Variants in SNRK observed in about 807,000 individuals in gnomAD.
SNRK encodes the protein SNF-related serine/threonine-protein kinase.
In SNRK, 3 loss-of-function variants were observed where a neutral mutation model predicts 48.2. That is an observed-to-expected ratio of 0.06 (90% CI 0.03 to 0.16). SNRK has a LOEUF of 0.16. SNRK is among the 10% of genes least tolerant of loss of function. The probability of loss-of-function intolerance (pLI) is 1.00; values close to 1 mark genes in which losing one functional copy is unlikely to be tolerated. For missense variants in SNRK, 627 were observed against 976.0 expected (o/e 0.64, Z 4.76); for synonymous variants, 376 against 366.1 (o/e 1.03, Z -0.31).
intron 1 of SNRK, among the ~76,000 whole-genome samples, chr3:43,292,967 C>T (rs2090824749): frequency 6.6e-6 from 1 of 152,122 alleles, no homozygotes; most frequent in African/African-American, 2.4e-5. Context: ...TCCTGTTTTC[C>T]TAAATCATTT....
At chr3:43,286,732 C>T (rs969851261) in intron 1 of SNRK, 57 bp downstream of exon 1, 13 of 148,222 alleles carry the variant, frequency 8.8e-5, no homozygotes, top group African/African-American at 2.4e-4. Flanking sequence ...GGGTGCGGGG[C>T]CGGCCTCCGC....
chr3:43,340,830 C>T (rs2091230176), intron 5 of SNRK: 2 of 274,508 alleles, frequency 7.3e-6, no homozygotes, highest in African/African-American at 2.2e-5. Context: ...ATTCCTCTGT[C>T]TCCTGCCGGT....
intron 1 of SNRK, among the ~76,000 whole-genome samples, chr3:43,292,600 C>A (rs73831239): frequency 0.025 from 3,794 of 152,282 alleles, 159 homozygotes; most frequent in African/African-American, 0.084. Flanking sequence ...ATTTATCTGA[C>A]TTCCACTCCC....
intron 4 of SNRK, among the ~76,000 whole-genome samples, chr3:43,334,814 A>T (rs189663200): frequency 6.6e-6 from 1 of 152,208 alleles, no homozygotes; most frequent in Non-Finnish European, 1.5e-5. Context: ...GGATGGTCTC[A>T]ATCTCTTAAC....
Position 43,348,049 on chromosome 3 carries a change from G to A in SNRK, c.1790G>A (p.Ser597Asn). ...SNASGGVDKASPSENNAGGGS... is the reference protein window; with the variant it reads ...SNASGGVDKANPSENNAGGGS... ...GCCAGTGGAGGGGTGGACAAGGCCA[G>A]CCCCAGTGAGAACAATGCTGGTGGG... The change falls in exon 7 of 7, where the codon AGC (serine) becomes AAC (asparagine). Residue 597 changes from serine to asparagine, a missense_variant. Around this residue, in one of 4 missense-constraint regions of SNRK, gnomAD observed 207 missense variants for 234.3 expected, o/e 0.88. Coordinates refer to ENST00000296088, the MANE Select transcript of SNRK (RefSeq NM_017719.5). 1 of 1,605,546 alleles carries A rather than the reference G, an allele frequency of 6.2e-7. No individual in the cohort carries two copies. The highest frequency in any genetic ancestry group is 8.5e-7 in the Non-Finnish European group (1 of 1,175,916).
intron 6 of SNRK, among the ~76,000 whole-genome samples, chr3:43,345,731 T>C (rs4682682): frequency 0.079 from 11,974 of 152,216 alleles, 592 homozygotes; most frequent in African/African-American, 0.12. Flanking sequence ...AAAGGAGTGG[T>C]GTTGGTACAG....
chr3:43,328,446 C>T (rs2125636835), intron 3 of SNRK, among the ~76,000 whole-genome samples: 1 of 152,198 alleles, frequency 6.6e-6, no homozygotes, highest in African/African-American at 2.4e-5. Context: ...GTTTAGCACA[C>T]TGTGGACTCA....
rs1479289556 is a variant in SNRK at position 43,350,527 on chromosome 3, T to G, written c.*1970T>G. On this transcript the variant is annotated 3_prime_UTR_variant, in exon 7 of 7. Coordinates refer to ENST00000296088, the MANE Select transcript of SNRK (RefSeq NM_017719.5). ...TCAGATGTATATATGGTGCTCACTT[T>G]AGGATCAGCAGTGTTGACCATTTAT... 6.5e-6 allele frequency: 1 copy of G among 152,674 alleles called. No individual in the cohort carries two copies. Among genetic ancestry groups the G allele is most frequent in the Non-Finnish European group, 1.5e-5 (1 of 68,052 alleles). 9.5% of individuals were successfully genotyped at this position (152,674 alleles called of 1,614,324 possible).
intron 1 of SNRK, among the ~76,000 whole-genome samples, chr3:43,288,734 C>T (rs914047198): frequency 6.6e-6 from 1 of 152,132 alleles, no homozygotes; most frequent in African/African-American, 2.4e-5. Context: ...ATGAACTTTC[C>T]ATAGGCCAGA....
intron 3 of SNRK, among the ~76,000 whole-genome samples, chr3:43,307,426 C>G (rs2090946278): frequency 6.6e-6 from 1 of 152,122 alleles, no homozygotes; most frequent in African/African-American, 2.4e-5. Context: ...TTGCCGCAAC[C>G]CTTCATCAAG....
intron 3 of SNRK, among the ~76,000 whole-genome samples, chr3:43,305,707 G>T (rs1315401158): frequency 6.6e-6 from 1 of 151,826 alleles, no homozygotes; most frequent in Admixed American, 6.6e-5. Context: ...GGATGGTCTT[G>T]ATCTCCTGAC....
At chr3:43,313,431 C>T (rs985476140) in intron 3 of SNRK, among the ~76,000 whole-genome samples, 2 of 152,146 alleles carry the variant, frequency 1.3e-5, no homozygotes, top group African/African-American at 4.8e-5. Flanking sequence ...TTTCAAGGGG[C>T]AACAACAATC....
At chr3:43,328,717 C>T (rs556559862) in intron 3 of SNRK, among the ~76,000 whole-genome samples, 1 of 152,268 alleles carries the variant, frequency 6.6e-6, no homozygotes, top group South Asian at 2.1e-4. Flanking sequence ...GAATAAGAAG[C>T]TTTCCCTGTT....
chr3:43,332,271 A>G lies in SNRK; in HGVS notation c.692A>G (p.Lys231Arg), dbSNP rs756930855. Reference protein sequence around the residue: ...SETLTMIMDCKYTVPSHVSKE... With the variant: ...SETLTMIMDCRYTVPSHVSKE... ...ACACTGACAATGATCATGGATTGCA[A>G]ATATACAGTACCATCCCATGTGTCT... is the stretch of plus-strand genomic sequence containing the variant. The change falls in exon 4 of 7, where the codon AAA (lysine) becomes AGA (arginine). Residue 231 changes from lysine (K) to arginine (R), a missense_variant. Lys to Arg is a conservative substitution (Grantham distance 26). Transcript: ENST00000296088. 1 of 1,598,230 alleles carries G rather than the reference A, an allele frequency of 6.3e-7. No homozygotes were observed. The highest frequency in any genetic ancestry group is 1.1e-5 in the South Asian group (1 of 87,138).
At chr3:43,318,367 G>A (rs2125630383) in intron 3 of SNRK, among the ~76,000 whole-genome samples, 1 of 152,038 alleles carries the variant, frequency 6.6e-6, no homozygotes, top group South Asian at 2.1e-4. Flanking sequence ...AAAAAAAAAT[G>A]AAAGTCTTGG....
At chr3:43,346,804 G>A (rs2091280020) in intron 6 of SNRK, 2 of 152,142 alleles carry the variant, frequency 1.3e-5, no homozygotes, top group African/African-American at 4.8e-5. Flanking sequence ...ATTTTTATAT[G>A]TTTTTGTATG....
At chr3:43,341,353 G>A (rs920853960) in intron 5 of SNRK, among the ~76,000 whole-genome samples, 24 of 152,080 alleles carry the variant, frequency 1.6e-4, no homozygotes, top group African/African-American at 4.1e-4. Flanking sequence ...GAGTTTCACT[G>A]TGTTAGCCAG....
At position 43,333,883 on chromosome 3, in the gene SNRK, C is replaced by T. The variant is rs143099513; in HGVS notation, c.731+1573C>T. ...ATTATTGAGGCTGGGCGCAGTGGCT[C>T]ACACCTGTAATCCCAGCACTTAAGG... On this transcript the variant is annotated intron_variant, in intron 4 of 6. Coordinates refer to ENST00000296088, the MANE Select transcript of SNRK (RefSeq NM_017719.5). Among the ~76,000 whole-genome samples the T allele has an allele frequency of 5.1e-3, 776 of 152,180 alleles. 5 individuals carry two copies. Among genetic ancestry groups the T allele is most frequent in the African/African-American group, 0.018 (747 of 41,510 alleles).
intron 4 of SNRK, among the ~76,000 whole-genome samples, chr3:43,336,462 G>C (rs146367182): frequency 6.6e-6 from 1 of 152,198 alleles, no homozygotes; most frequent in East Asian, 1.9e-4. Context: ...CTCCTGAGTA[G>C]CTAGGACTAC....
Sources: allele counts gnomAD v4.1 joint callset (sites outside exome capture counted in the v4.1 genomes callset), GRCh38; gene constraint gnomAD v4.1.1; regional missense constraint gnomAD v4.1.1; transcripts MANE v1.5; gene names NCBI Gene and HGNC (gene_info 2026-07-23, HGNC 2026-07-21).